The following FOXP2 variants were observed in gnomAD, a reference collection of about 807,000 sequenced individuals.
FOXP2 encodes the protein forkhead box protein P2.
In FOXP2, 12 loss-of-function variants were observed where a neutral mutation model predicts 115.8. The ratio of observed to expected loss-of-function variants is 0.10; its 90% confidence interval spans 0.07 to 0.17. The LOEUF is 0.17. Ranked by LOEUF, FOXP2 falls within the 10% of genes least tolerant of loss-of-function variation. The pLI is 1.00. For missense variants in FOXP2, 629 were observed against 843.5 expected (o/e 0.75, Z 3.15); for synonymous variants, 328 against 297.7 (o/e 1.10, Z -1.05).
chr7:114,264,952 C>G (rs1355803219), intron 1 of FOXP2, among the ~76,000 whole-genome samples: 1 of 152,126 alleles, frequency 6.6e-6, no homozygotes, highest in African/African-American at 2.4e-5. Context: ...GGGATCCTCC[C>G]ACATGACCCA....
At chr7:114,668,132 C>T (rs970873843) in intron 16 of FOXP2, 4 of 152,156 alleles carry the variant, frequency 2.6e-5, no homozygotes, top group Middle Eastern at 3.4e-3. Flanking sequence ...ACCTAAATAT[C>T]ATTAGATTCA....
At chr7:114,297,848 A>G (rs1199294935) in intron 2 of FOXP2, among the ~76,000 whole-genome samples, 1 of 152,202 alleles carries the variant, frequency 6.6e-6, no homozygotes, top group Non-Finnish European at 1.5e-5. Context: ...GTTTTTCCTC[A>G]TATAGTGGGG....
At chr7:114,369,946 G>C (rs545217150) in intron 2 of FOXP2, among the ~76,000 whole-genome samples, 2 of 152,056 alleles carry the variant, frequency 1.3e-5, no homozygotes, top group African/African-American at 4.8e-5. Context: ...ATTTTGATTA[G>C]ATGTTGTAAG....
At chr7:114,182,512 C>A (rs922680556) in intron 1 of FOXP2, among the ~76,000 whole-genome samples, 1 of 151,860 alleles carries the variant, frequency 6.6e-6, no homozygotes, top group Non-Finnish European at 1.5e-5. Flanking sequence ...TTTTCATTTT[C>A]TTTCAAATAT....
At chr7:114,625,194 CTA>C (rs1363698538) in intron 3 of FOXP2, among the ~76,000 whole-genome samples, 4 of 151,700 alleles carry the variant, frequency 2.6e-5, no homozygotes, top group African/African-American at 9.7e-5. Flanking sequence ...AAAGATGACT[CTA>C]TTTCCTTCCT....
At chr7:114,677,187 C>CAAAAAAA (rs1013070656) in intron 16 of FOXP2, among the ~76,000 whole-genome samples, 2 of 134,196 alleles carry the variant, frequency 1.5e-5, no homozygotes, top group African/African-American at 5.2e-5. Context: ...AAAAAAAAAA[C>CAAAAAAA]AAAAAAAACA....
intron 6 of FOXP2, among the ~76,000 whole-genome samples, chr7:114,641,913 C>A (rs1298404248): frequency 6.6e-6 from 1 of 152,082 alleles, no homozygotes; most frequent in Non-Finnish European, 1.5e-5. Flanking sequence ...TCAGGCAATT[C>A]TCCCGCCTCA....
At chr7:114,658,834 C>A (rs1036857044) in intron 11 of FOXP2, among the ~76,000 whole-genome samples, 1 of 152,158 alleles carries the variant, frequency 6.6e-6, no homozygotes, top group Non-Finnish European at 1.5e-5. Context: ...TTCTCCCCCA[C>A]CTGCCATCCC....
intron 1 of FOXP2, among the ~76,000 whole-genome samples, chr7:114,100,708 C>A (rs1007278641): frequency 1.3e-5 from 2 of 152,108 alleles, no homozygotes; most frequent in East Asian, 1.9e-4. Flanking sequence ...TTTTTCATTT[C>A]TAGTAAGGGT....
chr7:114,370,727 C>T (rs1451841524), intron 2 of FOXP2, among the ~76,000 whole-genome samples: 1 of 152,150 alleles, frequency 6.6e-6, no homozygotes, highest in African/African-American at 2.4e-5. Flanking sequence ...CAGAAGATAT[C>T]TTTGTCAATA....
chr7:114,124,349 A>G (rs933359210), intron 1 of FOXP2, among the ~76,000 whole-genome samples: 3 of 152,096 alleles, frequency 2.0e-5, no homozygotes, highest in Non-Finnish European at 2.9e-5. Context: ...GTAAAAAACA[A>G]TGGATGTTTA....
chr7:114,401,903 T>C (rs927355114), intron 2 of FOXP2, among the ~76,000 whole-genome samples: 4 of 152,120 alleles, frequency 2.6e-5, no homozygotes, highest in Middle Eastern at 3.2e-3. Context: ...GGCGGATCAC[T>C]TGAGGCCAGA....
chr7:114,602,052 T>C (rs775192524), intron 3 of FOXP2, among the ~76,000 whole-genome samples: 3 of 152,116 alleles, frequency 2.0e-5, no homozygotes, highest in Non-Finnish European at 2.9e-5. Context: ...GGAATGTATA[T>C]CTGCTTTTCT....
chr7:114,620,797 G>A (rs2129323190), intron 3 of FOXP2, among the ~76,000 whole-genome samples: 1 of 152,090 alleles, frequency 6.6e-6, no homozygotes, highest in East Asian at 1.9e-4. Flanking sequence ...GCTATTCATG[G>A]ATGAAATTCC....
chr7:114,120,300 TA>T (rs1389767870), intron 1 of FOXP2, among the ~76,000 whole-genome samples: 2 of 152,124 alleles, frequency 1.3e-5, no homozygotes, highest in African/African-American at 4.8e-5. Context: ...TAAGTGTGGC[TA>T]AAGAAATTTA....
chr7:114,426,469 G>C (rs1012872786), intron 1 of FOXP2, 33 bp from the exon 2 acceptor site: 9 of 1,595,762 alleles, frequency 5.6e-6, no homozygotes, highest in African/African-American at 1.3e-5. Flanking sequence ...AAGGTGTAAC[G>C]TGTGTTAATT....
chr7:114,394,333 G>T (rs539718760), intron 2 of FOXP2, among the ~76,000 whole-genome samples: 6 of 151,042 alleles, frequency 4.0e-5, no homozygotes, highest in African/African-American at 1.5e-4. Context: ...TAATTACAAG[G>T]TAAATTCATT....
chr7:114,148,027 C>A (rs1015700208), intron 1 of FOXP2, among the ~76,000 whole-genome samples: 5 of 152,152 alleles, frequency 3.3e-5, no homozygotes, highest in Non-Finnish European at 7.3e-5. Flanking sequence ...ACAAGCCATT[C>A]AACTGCACAG....
intron 2 of FOXP2, among the ~76,000 whole-genome samples, chr7:114,516,202 CA>C (rs1798334632): frequency 6.6e-6 from 1 of 152,096 alleles, no homozygotes; most frequent in South Asian, 2.1e-4. Context: ...GTGCTGTTAT[CA>C]AAACAGAGAT....
Sources: allele counts gnomAD v4.1 joint callset (sites outside exome capture counted in the v4.1 genomes callset), GRCh38; gene constraint gnomAD v4.1.1; transcripts MANE v1.5; gene names NCBI Gene and HGNC (gene_info 2026-07-23, HGNC 2026-07-21).